CHST9: variants seen among roughly 807,000 people sequenced by gnomAD.
The protein encoded by CHST9 is carbohydrate sulfotransferase 9.
CHST9 carries 41 observed loss-of-function variants against 44.4 expected under a neutral mutation model. The observed-to-expected ratio is 0.92, with a 90% CI of 0.72 to 1.20. The LOEUF is 1.20. Among genes scored for constraint, CHST9 ranks in the 50% most tolerant of loss-of-function variants. The probability of loss-of-function intolerance (pLI) is 0.00; values close to 1 mark genes in which losing one functional copy is unlikely to be tolerated. For synonymous variants in CHST9, 171 were observed against 178.4 expected (o/e 0.96, Z 0.33); for missense variants, 504 against 516.5 (o/e 0.98, Z 0.23).
At chr18:27,128,273 A>T (rs1378551120) in intron 2 of CHST9, among the ~76,000 whole-genome samples, 1 of 151,926 alleles carries the variant, frequency 6.6e-6, no homozygotes, top group East Asian at 1.9e-4. Context: ...TTTTTATTTT[A>T]TTTATTTATT....
intron 1 of CHST9, among the ~76,000 whole-genome samples, chr18:27,144,060 T>A (rs1215110968): frequency 6.6e-6 from 1 of 152,218 alleles, no homozygotes; most frequent in Non-Finnish European, 1.5e-5. Flanking sequence ...TGAGCTCACC[T>A]AGTTAGCAGC....
intron 2 of CHST9, among the ~76,000 whole-genome samples, chr18:27,122,118 C>G (rs759812006): frequency 2.5e-4 from 38 of 152,136 alleles, no homozygotes; most frequent in Non-Finnish European, 4.4e-4. Context: ...CTTTAGCAAT[C>G]TTTGTATTAT....
chr18:27,073,634 G>A (rs549899830), intron 2 of CHST9, among the ~76,000 whole-genome samples: 6 of 152,074 alleles, frequency 3.9e-5, no homozygotes, highest in South Asian at 4.2e-4. Flanking sequence ...CTGATGCTGA[G>A]AGGCTGCTGC....
intron 2 of CHST9, among the ~76,000 whole-genome samples, chr18:27,091,411 C>T (rs774447751): frequency 5.9e-5 from 9 of 152,210 alleles, no homozygotes; most frequent in African/African-American, 9.6e-5. Context: ...TTTGACTTCC[C>T]GATTTCCTAA....
At chr18:27,163,065 G>T (rs968506999) in intron 1 of CHST9, among the ~76,000 whole-genome samples, 1 of 152,184 alleles carries the variant, frequency 6.6e-6, no homozygotes, top group Non-Finnish European at 1.5e-5. Context: ...GTTGGAGTTT[G>T]CTGGAGGTCC....
At chr18:27,166,787 T>A (rs572612766) in intron 1 of CHST9, among the ~76,000 whole-genome samples, 2 of 152,338 alleles carry the variant, frequency 1.3e-5, no homozygotes, top group South Asian at 2.1e-4. Flanking sequence ...ATAATTAAAT[T>A]GGCCTAAGAC....
At chr18:27,052,688 C>T (rs2057582279) in intron 2 of CHST9, among the ~76,000 whole-genome samples, 2 of 152,068 alleles carry the variant, frequency 1.3e-5, no homozygotes, top group Admixed American at 1.3e-4. Context: ...TCTCTAATGA[C>T]CAGTGATGAT....
At position 26,924,615 on chromosome 18, in the gene CHST9, G is replaced by A. The variant is rs571054887; in HGVS notation, c.241-7265C>T. On this transcript the variant is annotated intron_variant, in intron 5 of 5. Coordinates refer to ENST00000618847, the MANE Select transcript of CHST9 (RefSeq NM_031422.6). ...TTATATTTCTTCACACCATCAAGGA[G>A]ACCTAATTGTCTCCAGTCATTGATA... is the stretch of plus-strand genomic sequence containing the variant. 3.1e-4 allele frequency: 297 copies of A among 959,522 alleles called. 1 individual carries two copies. The African/African-American group carries it at 5.0e-3, about 16-fold the overall frequency. 59.4% of individuals were successfully genotyped at this position (959,522 alleles called of 1,614,324 possible). A position where few individuals can be genotyped will look rare whatever the true frequency, so the allele number is the denominator to read the frequency against.
At chr18:27,168,418 C>A (rs1382013322) in intron 1 of CHST9, among the ~76,000 whole-genome samples, 1 of 152,124 alleles carries the variant, frequency 6.6e-6, no homozygotes, top group Non-Finnish European at 1.5e-5. Context: ...AGGAGGAATA[C>A]ACTGAGAGAC....
chr18:26,971,929 GAC>G (rs2056549399), intron 4 of CHST9, among the ~76,000 whole-genome samples: 1 of 152,126 alleles, frequency 6.6e-6, no homozygotes, highest in Non-Finnish European at 1.5e-5. Flanking sequence ...ATAAGTAATA[GAC>G]ACGATAGGTA....
intron 5 of CHST9, among the ~76,000 whole-genome samples, chr18:26,932,229 G>A (rs2055891334): frequency 1.3e-5 from 2 of 152,162 alleles, no homozygotes; most frequent in Non-Finnish European, 2.9e-5. Context: ...AATGATATAA[G>A]TCAGCACTGC....
chr18:27,129,136 A>G (rs1159726087), intron 2 of CHST9, among the ~76,000 whole-genome samples: 1 of 151,604 alleles, frequency 6.6e-6, no homozygotes, highest in Non-Finnish European at 1.5e-5. Flanking sequence ...CACACACACA[A>G]AATGTACTTT....
rs2055413673 is a variant in CHST9 at position 26,909,656 on chromosome 18, T to C, written c.*6603A>G. On this transcript the variant is annotated 3_prime_UTR_variant, in exon 6 of 6. Coordinates refer to ENST00000618847, the MANE Select transcript of CHST9 (RefSeq NM_031422.6). ...GAAATATTTTCAGCAAATGAATGCA[T>C]AAAATGAGATACTGTGTGTTTTACT... The C allele has an allele frequency of 6.6e-6, 1 of 152,202 alleles. No homozygotes were observed. The allele number at this position is 152,202 out of a possible 1,614,324, so 9.4% of individuals were successfully genotyped here. A position where few individuals can be genotyped will look rare whatever the true frequency, so the allele number is the denominator to read the frequency against.
At position 27,029,595 on chromosome 18, in the gene CHST9, C is replaced by T. The variant is rs1252582645; in HGVS notation, c.161-5438G>A. ...ACCAAAATCTGTGAATACTCAAGTC[C>T]TTGATATATATCATGTGCATATCAC... On this transcript the variant is annotated intron_variant, in intron 3 of 5. Transcript: ENST00000618847. 2.6e-5 allele frequency among the ~76,000 whole-genome samples: 4 copies of T among 152,142 alleles called. No individual in the cohort carries two copies. The East Asian group carries it at 7.7e-4, about 29-fold the overall frequency.
rs2056462470 is a variant in CHST9, at chr18:26,966,233, TTATA to T, written c.203-21871_203-21868del. On this transcript the variant is annotated intron_variant, in intron 4 of 5. Transcript: ENST00000618847. ...AGGTGGGACACTATAAAACTATGCT[TTATA>T]TGACAGCTCTTTTAAAAAATCAAGT... Among the ~76,000 whole-genome samples the T allele has an allele frequency of 3.9e-5, 6 of 152,338 alleles. No individual in the cohort carries two copies. In the South Asian group the frequency reaches 1.0e-3, roughly 26 times the overall value.
At chr18:27,048,366 T>C (rs1270215216) in intron 3 of CHST9, 99 bp downstream of exon 3, 11 of 880,088 alleles carry the variant, frequency 1.2e-5, no homozygotes, top group Non-Finnish European at 1.8e-5. Context: ...CCATAAACTA[T>C]TAATTTTAGT....
chr18:26,929,057 C>T (rs1306985029), intron 5 of CHST9, among the ~76,000 whole-genome samples: 3 of 152,122 alleles, frequency 2.0e-5, no homozygotes, highest in African/African-American at 7.2e-5. Flanking sequence ...CTCTGTCTTA[C>T]CATAGTAAGA....
intron 2 of CHST9, among the ~76,000 whole-genome samples, chr18:27,085,535 T>C (rs1358086703): frequency 6.6e-6 from 1 of 152,054 alleles, no homozygotes; most frequent in Non-Finnish European, 1.5e-5. Context: ...AAATCACTAA[T>C]CATCAGAGAC....
At chr18:27,112,173 A>ATG (rs2058276927) in intron 2 of CHST9, among the ~76,000 whole-genome samples, 1 of 149,666 alleles carries the variant, frequency 6.7e-6, no homozygotes, top group Non-Finnish European at 1.5e-5. Context: ...ATATACCTAC[A>ATG]TGTATATATA....
Sources: allele counts gnomAD v4.1 joint callset (sites outside exome capture counted in the v4.1 genomes callset), GRCh38; gene constraint gnomAD v4.1.1; transcripts MANE v1.5; gene names NCBI Gene and HGNC (gene_info 2026-07-23, HGNC 2026-07-21).